Variants in LRP1B observed in about 807,000 individuals in gnomAD.
LRP1B encodes the protein LDL receptor related protein 1B, also known as low-density lipoprotein receptor-related protein 1B.
A neutral mutation model predicts 556.6 loss-of-function variants in LRP1B; 217 were observed. The ratio of observed to expected loss-of-function variants is 0.39; its 90% CI spans 0.35 to 0.44. The LOEUF (loss-of-function observed/expected upper bound fraction) is 0.44. LRP1B is among the 20% of genes least tolerant of loss of function. The pLI is 1.00. For missense variants in LRP1B, 5,053 were observed against 5,620.8 expected (o/e 0.90, Z 3.23); for synonymous variants, 2,047 against 1,865.8 (o/e 1.10, Z -2.50).
chr2:140,950,324 C>T lies in LRP1B; in HGVS notation c.3047G>A (p.Gly1016Asp), dbSNP rs1191115765. 2 of 1,613,064 alleles carry T rather than the reference C, an allele frequency of 1.2e-6. No individual in the cohort carries two copies. Among genetic ancestry groups the T allele is most frequent in the Non-Finnish European group, 1.7e-6 (2 of 1,179,508 alleles). ...CFDNQFRCSSGRCIPGHWACD... is the reference protein window; with the variant it reads ...CFDNQFRCSSDRCIPGHWACD... ...GGCCCAGTGGCCTGGGATGCATCTG[C>T]CACTGGAACATCTGAACTGATTATC... is the stretch of plus-strand genomic sequence containing the variant. Residue 1016 changes from glycine to aspartate, a missense_variant, in exon 20 of 91, where the codon GGC (glycine) becomes GAC (aspartate). Gly to Asp is a moderately conservative substitution (Grantham distance 94). Transcript: ENST00000389484.
chr2:140,272,153 C>A (rs1682486707), intron 85 of LRP1B, among the ~76,000 whole-genome samples: 1 of 151,574 alleles, frequency 6.6e-6, no homozygotes, highest in South Asian at 2.1e-4. Context: ...ATGTGAAATA[C>A]AAATAGTTAA....
At chr2:142,059,160 T>C (rs2104888244) in intron 1 of LRP1B, among the ~76,000 whole-genome samples, 1 of 152,194 alleles carries the variant, frequency 6.6e-6, no homozygotes, top group African/African-American at 2.4e-5. Context: ...GAATAGGAAG[T>C]GATTGTGAAT....
chr2:141,000,383 T>C (rs1697381963), intron 15 of LRP1B, among the ~76,000 whole-genome samples: 1 of 152,116 alleles, frequency 6.6e-6, no homozygotes, highest in African/African-American at 2.4e-5. Context: ...CAGTAAAGTA[T>C]AAAAGTGAGC....
At chr2:141,489,698 A>T (rs1683260987) in intron 2 of LRP1B, among the ~76,000 whole-genome samples, 2 of 152,226 alleles carry the variant, frequency 1.3e-5, no homozygotes, top group South Asian at 4.2e-4. Flanking sequence ...TTTACGTCTG[A>T]GCTACTTCAC....
chr2:140,944,886 A>C (rs1019968065), intron 20 of LRP1B, among the ~76,000 whole-genome samples: 5 of 152,168 alleles, frequency 3.3e-5, no homozygotes, highest in African/African-American at 1.2e-4. Flanking sequence ...CTTCTATTTA[A>C]CATCGTACTG....
intron 11 of LRP1B, among the ~76,000 whole-genome samples, chr2:141,030,674 C>T (rs922203016): frequency 2.6e-5 from 4 of 151,954 alleles, no homozygotes; most frequent in African/African-American, 7.2e-5. Context: ...GGTTATCAGA[C>T]CATCACCACA....
intron 2 of LRP1B, among the ~76,000 whole-genome samples, chr2:141,616,365 AAACAAT>A (rs199914902): frequency 0.02 from 3,095 of 152,216 alleles, 61 homozygotes; most frequent in Non-Finnish European, 0.032. Flanking sequence ...TAGGCAATGA[AAACAAT>A]AATCATATTG....
chr2:141,502,506 A>G (rs1316680577), intron 2 of LRP1B, among the ~76,000 whole-genome samples: 1 of 152,204 alleles, frequency 6.6e-6, no homozygotes, highest in East Asian at 1.9e-4. Flanking sequence ...TAGATAGTTG[A>G]AGAAACACTC....
At chr2:141,340,010 C>A (rs1159240613) in intron 3 of LRP1B, among the ~76,000 whole-genome samples, 1 of 152,052 alleles carries the variant, frequency 6.6e-6, no homozygotes, top group East Asian at 1.9e-4. Context: ...TGTTTAGCTC[C>A]CACTTAGAAG....
chr2:141,894,666 TAGATCTAGATCTAGATCTAGATC>T (rs1418345574), intron 1 of LRP1B, among the ~76,000 whole-genome samples: 1 of 19,596 alleles, frequency 5.1e-5, no homozygotes, highest in Admixed American at 6.0e-4. Context: ...GATCTAGATC[TAGATCTAGATCTAGATCTAGATC>T]GAATTTAGGT....
At position 141,575,061 on chromosome 2, in the gene LRP1B, C is replaced by A. The variant is rs189363076; in HGVS notation, c.206-94528G>T. Among the ~76,000 whole-genome samples the A allele has an allele frequency of 9.9e-5, 15 of 152,102 alleles. No individual in the cohort carries two copies. In the East Asian group the frequency reaches 2.5e-3, roughly 25 times the overall value. On this transcript the variant is annotated intron_variant, in intron 2 of 90. Coordinates refer to ENST00000389484, the MANE Select transcript of LRP1B (RefSeq NM_018557.3). ...CAGTTTATAGATTCAATGCTATTCC[C>A]GTCAAACTACCATTGACATTCTTCA...
At chr2:140,702,651 C>A (rs2105431611) in intron 37 of LRP1B, 98 bp from the exon 38 acceptor site, 1 of 1,029,370 alleles carries the variant, frequency 9.7e-7, no homozygotes, top group Non-Finnish European at 1.5e-6. Flanking sequence ...GTAGCATTCA[C>A]ACTAGAATAA....
intron 18 of LRP1B, among the ~76,000 whole-genome samples, chr2:140,966,660 G>A (rs532541727): frequency 2.6e-5 from 4 of 152,290 alleles, no homozygotes; most frequent in Admixed American, 1.3e-4. Flanking sequence ...TTCTTCTAGA[G>A]TTTTTATGGT....
chr2:141,538,524 C>T (rs1685139059), intron 2 of LRP1B, among the ~76,000 whole-genome samples: 1 of 151,942 alleles, frequency 6.6e-6, no homozygotes, highest in Non-Finnish European at 1.5e-5. Context: ...AAATATGGTT[C>T]ATTTTAAACC....
chr2:141,498,894 A>T (rs1399251331), intron 2 of LRP1B, among the ~76,000 whole-genome samples: 1 of 152,060 alleles, frequency 6.6e-6, no homozygotes, highest in Non-Finnish European at 1.5e-5. Context: ...CTACAAAGTC[A>T]TCCTTGCTTA....
In LRP1B at chr2:140,348,987, C is replaced by T. The variant is rs183271703; in HGVS notation, c.11892+1810G>A. Among the ~76,000 whole-genome samples, 413 of 152,110 alleles carry T rather than the reference C, an allele frequency of 2.7e-3. 1 individual carries two copies. Among genetic ancestry groups the T allele is most frequent in the African/African-American group, 9.5e-3 (395 of 41,526 alleles). ...AAGGAGCTCAGCAATCTAGATTCCT[C>T]GCATCCACATTTCACAGATTCCTCA... On this transcript the variant is annotated intron_variant, in intron 77 of 90. Coordinates refer to ENST00000389484, the MANE Select transcript of LRP1B (RefSeq NM_018557.3).
chr2:141,500,053 C>T (rs1026683189), intron 2 of LRP1B, among the ~76,000 whole-genome samples: 2 of 152,058 alleles, frequency 1.3e-5, no homozygotes, highest in Non-Finnish European at 2.9e-5. Flanking sequence ...GCAGAGCATA[C>T]ATTTTTCTTT....
At chr2:142,097,765 T>C (rs1392765703) in intron 1 of LRP1B, among the ~76,000 whole-genome samples, 1 of 151,758 alleles carries the variant, frequency 6.6e-6, no homozygotes, top group African/African-American at 2.4e-5. Context: ...TAAAGTTGAA[T>C]CTAGCTCGAT....
At chr2:141,647,333 T>C (rs1689608648) in intron 2 of LRP1B, among the ~76,000 whole-genome samples, 3 of 152,186 alleles carry the variant, frequency 2.0e-5, no homozygotes, top group Non-Finnish European at 2.9e-5. Flanking sequence ...GGAAGCCAAG[T>C]GTTCCTGATT....
Sources: allele counts gnomAD v4.1 joint callset (sites outside exome capture counted in the v4.1 genomes callset), GRCh38; gene constraint gnomAD v4.1.1; transcripts MANE v1.5; gene names NCBI Gene and HGNC (gene_info 2026-07-23, HGNC 2026-07-21).